ARL15: variants seen among roughly 807,000 people sequenced by gnomAD.
ARL15 encodes the protein ARF like GTPase 15, also known as ADP-ribosylation factor-like protein 15.
Under a neutral mutation model 25.2 loss-of-function variants are expected in ARL15, and 19 were observed. The ratio of observed to expected loss-of-function variants is 0.75; its 90% CI spans 0.53 to 1.10. ARL15 has a LOEUF of 1.10. Among genes scored for constraint, ARL15 ranks in the 50% least tolerant of loss-of-function variants. The probability of loss-of-function intolerance (pLI) is 0.00; values close to 1 mark genes in which losing one functional copy is unlikely to be tolerated. For missense variants in ARL15, 220 were observed against 246.0 expected, an observed-to-expected ratio of 0.89 and a Z score of 0.71; for synonymous variants, 94 against 86.8, an observed-to-expected ratio of 1.08 and a Z score of -0.46.
intron 4 of ARL15, among the ~76,000 whole-genome samples, chr5:54,014,771 C>A (rs934769177): frequency 9.2e-5 from 14 of 152,046 alleles, no homozygotes; most frequent in African/African-American, 3.1e-4. Context: ...GGTGATCCAC[C>A]CGCCTCGGCC....
chr5:54,099,644 A>G (rs994923127), intron 4 of ARL15, among the ~76,000 whole-genome samples: 1 of 152,126 alleles, frequency 6.6e-6, no homozygotes, highest in Non-Finnish European at 1.5e-5. Context: ...CACTTACTCT[A>G]TACCAGACAC....
At chr5:54,164,820 C>G (rs1345104902) in intron 2 of ARL15, among the ~76,000 whole-genome samples, 1 of 151,792 alleles carries the variant, frequency 6.6e-6, no homozygotes, top group Non-Finnish European at 1.5e-5. Context: ...ATTATATCAA[C>G]CTCTGTCTCT....
chr5:53,952,388 A>G (rs1439006507), intron 4 of ARL15, among the ~76,000 whole-genome samples: 1 of 152,174 alleles, frequency 6.6e-6, no homozygotes, highest in African/African-American at 2.4e-5. Flanking sequence ...TTAAACTTTC[A>G]AAAGGTTGAA....
At chr5:54,088,598 ATT>A (rs1752045812) in intron 4 of ARL15, among the ~76,000 whole-genome samples, 2 of 152,136 alleles carry the variant, frequency 1.3e-5, no homozygotes, top group East Asian at 3.9e-4. Flanking sequence ...AGTAATGAGG[ATT>A]TTCCTCAGTT....
chr5:54,293,869 G>A (rs978268063), intron 1 of ARL15, among the ~76,000 whole-genome samples: 4 of 151,412 alleles, frequency 2.6e-5, no homozygotes, highest in African/African-American at 2.4e-5. Flanking sequence ...TCACTCTGTC[G>A]CCAGGCTGGA....
At chr5:54,019,446 T>A (rs1445604598) in intron 4 of ARL15, among the ~76,000 whole-genome samples, 1 of 152,192 alleles carries the variant, frequency 6.6e-6, no homozygotes, top group Non-Finnish European at 1.5e-5. Flanking sequence ...TAAAGTAGTG[T>A]TCGGTAAAAC....
At chr5:54,230,045 C>T (rs1371655697) in intron 1 of ARL15, among the ~76,000 whole-genome samples, 1 of 152,168 alleles carries the variant, frequency 6.6e-6, no homozygotes, top group Non-Finnish European at 1.5e-5. Flanking sequence ...TTAAAATTAA[C>T]TCTACATTGC....
intron 4 of ARL15, among the ~76,000 whole-genome samples, chr5:54,066,272 C>G (rs528103511): frequency 6.6e-6 from 1 of 152,002 alleles, no homozygotes; most frequent in East Asian, 1.9e-4. Context: ...AAAGAATTCA[C>G]GAGCGACATA....
chr5:54,303,769 G>A lies in ARL15; in HGVS notation c.48+6663C>T, dbSNP rs1460674538. 2.5e-5 allele frequency among the ~76,000 whole-genome samples: 3 copies of A among 121,026 alleles called. No homozygotes were observed. In the East Asian group the frequency reaches 8.5e-4, roughly 34 times the overall value. 79.4% of individuals were successfully genotyped at this position (121,026 alleles called of 152,430 possible). ...GGAGGGGAAAGGAGGGGAAGGGAGG[G>A]AAGAAAAACGAAACAAAACAAAACT... On this transcript the variant is annotated intron_variant, in intron 1 of 4. Coordinates refer to ENST00000504924, the MANE Select transcript of ARL15 (RefSeq NM_019087.3).
At chr5:54,008,300 G>A (rs1042290676) in intron 4 of ARL15, among the ~76,000 whole-genome samples, 1 of 152,152 alleles carries the variant, frequency 6.6e-6, no homozygotes, top group Non-Finnish European at 1.5e-5. Context: ...ACTGTGAAAT[G>A]TGTACATGAA....
intron 4 of ARL15, among the ~76,000 whole-genome samples, chr5:53,985,289 A>T (rs940712059): frequency 1.3e-5 from 2 of 152,176 alleles, no homozygotes; most frequent in African/African-American, 2.4e-5. Flanking sequence ...AGATTTTTTT[A>T]AAAAACTGTG....
intron 1 of ARL15, among the ~76,000 whole-genome samples, chr5:54,199,702 TA>T (rs1334421729): frequency 6.6e-6 from 1 of 151,230 alleles, no homozygotes; most frequent in African/African-American, 2.4e-5. Context: ...GGTGGGACTG[TA>T]AACTAGTTCA....
chr5:54,141,799 C>T (rs1004933387), intron 3 of ARL15, among the ~76,000 whole-genome samples: 8 of 152,106 alleles, frequency 5.3e-5, no homozygotes, highest in Non-Finnish European at 1.0e-4. Flanking sequence ...AAATAGAATA[C>T]AAATTTATCT....
intron 4 of ARL15, among the ~76,000 whole-genome samples, chr5:53,889,980 T>G (rs2111891646): frequency 6.6e-6 from 1 of 152,126 alleles, no homozygotes; most frequent in Middle Eastern, 3.4e-3. Flanking sequence ...GCCCAGCTAA[T>G]TTTTGTATTT....
intron 1 of ARL15, among the ~76,000 whole-genome samples, chr5:54,201,799 A>G (rs1282893510): frequency 6.6e-6 from 1 of 152,110 alleles, no homozygotes; most frequent in Admixed American, 6.6e-5. Flanking sequence ...ATCATTGAAT[A>G]ATTTTTCTTT....
intron 1 of ARL15, among the ~76,000 whole-genome samples, chr5:54,180,361 G>A (rs1004109023): frequency 5.3e-5 from 8 of 152,074 alleles, no homozygotes; most frequent in African/African-American, 1.7e-4. Flanking sequence ...AATATGCTTC[G>A]ATGTCTTAGG....
intron 2 of ARL15, among the ~76,000 whole-genome samples, chr5:54,159,874 A>G (rs1269095479): frequency 1.3e-5 from 2 of 152,262 alleles, no homozygotes; most frequent in Non-Finnish European, 2.9e-5. Context: ...TTTTTCATGC[A>G]CTGAAAGCAT....
At chr5:53,926,639 T>C (rs1469108202) in intron 4 of ARL15, among the ~76,000 whole-genome samples, 1 of 152,134 alleles carries the variant, frequency 6.6e-6, no homozygotes, top group Non-Finnish European at 1.5e-5. Context: ...CTTCTTCAGA[T>C]TGTTCTACGC....
intron 1 of ARL15, among the ~76,000 whole-genome samples, chr5:54,252,061 T>C (rs1299202074): frequency 2.0e-5 from 3 of 152,226 alleles, no homozygotes; most frequent in South Asian, 2.1e-4. Context: ...AGAAATGATA[T>C]TCCATGCTAT....
Sources: allele counts gnomAD v4.1 joint callset (sites outside exome capture counted in the v4.1 genomes callset), GRCh38; gene constraint gnomAD v4.1.1; transcripts MANE v1.5; gene names NCBI Gene and HGNC (gene_info 2026-07-23, HGNC 2026-07-21).